Variants in TSPAN18 observed in about 807,000 individuals in gnomAD.
TSPAN18 encodes tetraspanin 18, also known as tetraspanin-18.
Under a neutral mutation model 27.3 loss-of-function variants are expected in TSPAN18, and 14 were observed. The observed-to-expected ratio is 0.51, with a 90% CI of 0.34 to 0.80. TSPAN18 has a LOEUF of 0.80. Ranked by LOEUF, TSPAN18 falls within the 30% of genes least tolerant of loss-of-function variation. TSPAN18 has a pLI of 0.01. For missense variants in TSPAN18, 268 were observed against 323.9 expected, an observed-to-expected ratio of 0.83 and a Z score of 1.32; for synonymous variants, 143 against 136.5, an observed-to-expected ratio of 1.05 and a Z score of -0.33.
intron 3 of TSPAN18, among the ~76,000 whole-genome samples, chr11:44,898,200 G>C (rs550142474): frequency 6.6e-6 from 1 of 152,186 alleles, no homozygotes; most frequent in African/African-American, 2.4e-5. Flanking sequence ...AGCACATAGC[G>C]TATGTGCTGT....
intron 2 of TSPAN18, among the ~76,000 whole-genome samples, chr11:44,826,785 C>T (rs963489561): frequency 1.3e-5 from 2 of 152,190 alleles, no homozygotes; most frequent in African/African-American, 4.8e-5. Flanking sequence ...GGTTTGGATT[C>T]TGCACAGAGC....
At chr11:44,862,309 A>G (rs1857917169) in intron 3 of TSPAN18, among the ~76,000 whole-genome samples, 1 of 152,196 alleles carries the variant, frequency 6.6e-6, no homozygotes, top group South Asian at 2.1e-4. Context: ...ATTCCTCTGC[A>G]GAAAAAATAC....
rs1164812962 is a variant in TSPAN18, at chr11:44,727,061, CCCCGG to C, written c.-462_-458del. ...GAGGCCGCCCGAGCCCCAGCCCCGG[CCCCGG>C]CCCCAGCCCCGGCCCCGGCCCCGGC... On this transcript the variant is annotated 5_prime_UTR_variant, in exon 1 of 10. Transcript: ENST00000520358. 6 of 136,724 alleles carry C rather than the reference CCCCGG, an allele frequency of 4.4e-5. No homozygotes were observed. The East Asian group carries it at 1.3e-3, about 30-fold the overall frequency. The allele number at this position is 136,724 out of a possible 1,614,324, so 8.5% of individuals were successfully genotyped here.
At chr11:44,741,251 T>C (rs1247055394) in intron 1 of TSPAN18, among the ~76,000 whole-genome samples, 3 of 152,256 alleles carry the variant, frequency 2.0e-5, no homozygotes, top group African/African-American at 4.8e-5. Flanking sequence ...TTCCTCCCTT[T>C]CATTTGATAA....
intron 2 of TSPAN18, among the ~76,000 whole-genome samples, chr11:44,821,618 T>C (rs1374341852): frequency 6.6e-6 from 1 of 152,216 alleles, no homozygotes. Context: ...ACTTAGTTTC[T>C]CTGAGCCTGA....
At chr11:44,900,382 T>C (rs907968635) in intron 3 of TSPAN18, among the ~76,000 whole-genome samples, 2 of 152,206 alleles carry the variant, frequency 1.3e-5, no homozygotes, top group African/African-American at 4.8e-5. Context: ...TTCTCATTCA[T>C]TGAGAATGCT....
intron 3 of TSPAN18, among the ~76,000 whole-genome samples, chr11:44,879,790 T>C (rs1333617639): frequency 6.6e-6 from 1 of 152,232 alleles, no homozygotes; most frequent in Non-Finnish European, 1.5e-5. Flanking sequence ...GCTGGATGTC[T>C]GTGGCCTCCC....
intron 9 of TSPAN18, 31 bp downstream of exon 9, chr11:44,926,788 C>T: frequency 6.2e-7 from 1 of 1,605,434 alleles, no homozygotes; most frequent in Non-Finnish European, 8.5e-7. Context: ...CTGCCGCTCC[C>T]CAGGATGAAG....
chr11:44,798,964 A>T (rs1014736856), intron 2 of TSPAN18, among the ~76,000 whole-genome samples: 4 of 151,868 alleles, frequency 2.6e-5, no homozygotes, highest in African/African-American at 9.7e-5. Flanking sequence ...GCTTCATCTC[A>T]TGGGACTTAT....
intron 2 of TSPAN18, among the ~76,000 whole-genome samples, chr11:44,792,822 G>A (rs1856259508): frequency 6.6e-6 from 1 of 152,200 alleles, no homozygotes; most frequent in South Asian, 2.1e-4. Context: ...CCAAGAGGTG[G>A]GAGAGAGTGT....
intron 3 of TSPAN18, among the ~76,000 whole-genome samples, chr11:44,875,622 T>C (rs984822054): frequency 6.6e-6 from 1 of 152,220 alleles, no homozygotes; most frequent in Admixed American, 6.5e-5. Context: ...TCTCATCAAA[T>C]CCTTGTAACT....
chr11:44,925,695 C>G (rs951781090), intron 8 of TSPAN18: 4 of 152,262 alleles, frequency 2.6e-5, no homozygotes, highest in African/African-American at 7.2e-5. Flanking sequence ...CCACCCCCAT[C>G]TGGGGATTTG....
At chr11:44,810,592 T>C (rs1392149430) in intron 2 of TSPAN18, among the ~76,000 whole-genome samples, 1 of 150,198 alleles carries the variant, frequency 6.7e-6, no homozygotes, top group African/African-American at 2.4e-5. Flanking sequence ...GCACCTGTTT[T>C]CAATTTTTTT....
rs972675267 is a variant in TSPAN18, at chr11:44,818,554, C to T, written c.-152-41774C>T. 2.3e-4 allele frequency among the ~76,000 whole-genome samples: 35 copies of T among 152,164 alleles called. 1 individual carries two copies. The highest frequency in any genetic ancestry group is 8.0e-4 in the African/African-American group (33 of 41,430). ...GTCTGAGACCTGGCTCCTGGCTTCT[C>T]TCCTGTGTGCCCACTTCACTCCGGG... On this transcript the variant is annotated intron_variant, in intron 2 of 9. Coordinates refer to ENST00000520358, the MANE Select transcript of TSPAN18 (RefSeq NM_130783.5).
chr11:44,802,059 G>T (rs1856492228), intron 2 of TSPAN18, among the ~76,000 whole-genome samples: 1 of 152,086 alleles, frequency 6.6e-6, no homozygotes, highest in Non-Finnish European at 1.5e-5. Context: ...AGCCATCAGT[G>T]TTCAAGAATG....
At chr11:44,825,830 G>A (rs1857028571) in intron 2 of TSPAN18, among the ~76,000 whole-genome samples, 1 of 151,558 alleles carries the variant, frequency 6.6e-6, no homozygotes, top group Non-Finnish European at 1.5e-5. Context: ...TTCTCCATGA[G>A]TGTGTTTAGG....
At chr11:44,875,172 C>CAGCCAGCTT (rs1478338901) in intron 3 of TSPAN18, among the ~76,000 whole-genome samples, 7 of 152,238 alleles carry the variant, frequency 4.6e-5, no homozygotes, top group Admixed American at 4.6e-4. Flanking sequence ...GCCCAACTCA[C>CAGCCAGCTT]AGCCAGCTTC....
intron 2 of TSPAN18, among the ~76,000 whole-genome samples, chr11:44,859,244 T>A (rs1006021952): frequency 6.6e-6 from 1 of 152,156 alleles, no homozygotes; most frequent in Non-Finnish European, 1.5e-5. Flanking sequence ...ATGCTGTTTG[T>A]CTAAAGTCTT....
At chr11:44,927,440 C>T (rs915702268) in intron 9 of TSPAN18, among the ~76,000 whole-genome samples, 2 of 152,172 alleles carry the variant, frequency 1.3e-5, no homozygotes, top group Admixed American at 6.5e-5. Flanking sequence ...CCTCGGCCTG[C>T]GGGGGAAGGA....
Sources: gnomAD v4.1 joint callset for allele counts (sites outside exome capture counted in the v4.1 genomes callset) on GRCh38, gnomAD v4.1.1 for gene constraint, MANE v1.5 for transcripts, NCBI Gene and HGNC (gene_info 2026-07-23, HGNC 2026-07-21) for gene names.